SNAP91: variants seen among roughly 807,000 people sequenced by gnomAD.
SNAP91 encodes the protein synaptosome associated protein 91, also known as clathrin coat assembly protein AP180.
Under a neutral mutation model 100.3 loss-of-function variants are expected in SNAP91, and 27 were observed. The observed-to-expected ratio is 0.27, with a 90% CI of 0.20 to 0.37. SNAP91 has a LOEUF of 0.37. SNAP91 is among the 10% of genes least tolerant of loss of function. The pLI is 1.00. For synonymous variants in SNAP91, 404 were observed against 398.6 expected (o/e 1.01, Z -0.16); for missense variants, 986 against 1,123.7 (o/e 0.88, Z 1.75).
intron 26 of SNAP91, among the ~76,000 whole-genome samples, chr6:83,570,502 C>T (rs556230924): frequency 7.0e-6 from 1 of 143,716 alleles, no homozygotes; most frequent in East Asian, 2.1e-4. Flanking sequence ...CAGGACACGT[C>T]AGAGAACTTT....
chr6:83,591,740 C>G (rs1446335804), intron 21 of SNAP91, among the ~76,000 whole-genome samples: 1 of 152,140 alleles, frequency 6.6e-6, no homozygotes, highest in African/African-American at 2.4e-5. Context: ...TGACACAAGT[C>G]TTGAGCCCCT....
chr6:83,568,958 T>A lies in SNAP91; in HGVS notation c.2442+6052A>T, dbSNP rs1801766226. On this transcript the variant is annotated intron_variant, in intron 26 of 29. Transcript: ENST00000369694. ...TAAAGGAATAGAAGGTTGGAAGAGATCAACTGGGGAGGCAGGGTGTAAAGG... is the reference window on the plus strand; with the variant it reads ...TAAAGGAATAGAAGGTTGGAAGAGAACAACTGGGGAGGCAGGGTGTAAAGG... Among the ~76,000 whole-genome samples, 2 of 152,160 alleles carry A rather than the reference T, an allele frequency of 1.3e-5. 1 individual carries two copies. The highest frequency in any genetic ancestry group is 4.1e-4 in the South Asian group (2 of 4,834).
At chr6:83,611,972 C>T (rs11966806) in intron 11 of SNAP91, among the ~76,000 whole-genome samples, 4 of 148,788 alleles carry the variant, frequency 2.7e-5, no homozygotes, top group Non-Finnish European at 5.9e-5. Flanking sequence ...CCGCCTGCCT[C>T]GGCCTCCCAA....
intron 26 of SNAP91, among the ~76,000 whole-genome samples, chr6:83,570,553 TG>T (rs200955608): frequency 1.4e-5 from 1 of 71,640 alleles, no homozygotes; most frequent in African/African-American, 7.8e-5. Flanking sequence ...GTTTACGGGG[TG>T]GCGGGGGGGG....
intron 23 of SNAP91, among the ~76,000 whole-genome samples, 200 bp downstream of exon 23, chr6:83,582,022 C>T (rs1477751609): frequency 6.6e-6 from 1 of 152,124 alleles, no homozygotes; most frequent in African/African-American, 2.4e-5. Flanking sequence ...GAAAGGATTG[C>T]AGGTTATTCT....
chr6:83,673,013 A>T (rs1421439107), intron 2 of SNAP91, among the ~76,000 whole-genome samples: 2 of 152,200 alleles, frequency 1.3e-5, no homozygotes, highest in Non-Finnish European at 2.9e-5. Context: ...AGGAGAAATG[A>T]GAAACTACAG....
intron 2 of SNAP91, among the ~76,000 whole-genome samples, chr6:83,703,584 C>T (rs2099346526): frequency 6.6e-6 from 1 of 152,120 alleles, no homozygotes; most frequent in African/African-American, 2.4e-5. Flanking sequence ...CAGTATTTGT[C>T]TTGAATCAAA....
At chr6:83,629,136 TG>T (rs1273496784) in intron 8 of SNAP91, among the ~76,000 whole-genome samples, 5 of 152,050 alleles carry the variant, frequency 3.3e-5, no homozygotes, top group Non-Finnish European at 7.4e-5. Context: ...TCCCCCACTT[TG>T]TTTTTGTTGG....
chr6:83,617,827 G>T (rs1028268803), intron 9 of SNAP91, among the ~76,000 whole-genome samples: 7 of 151,688 alleles, frequency 4.6e-5, no homozygotes, highest in African/African-American at 1.2e-4. Flanking sequence ...AAGCATTAGA[G>T]ATTTCATTTC....
At chr6:83,678,896 T>C in intron 2 of SNAP91, 1 of 1,142,632 alleles carries the variant, frequency 8.8e-7, no homozygotes, top group Non-Finnish European at 1.1e-6. Flanking sequence ...GTACATCATT[T>C]TACTTTACTG....
intron 8 of SNAP91, among the ~76,000 whole-genome samples, chr6:83,631,653 T>C (rs1267905934): frequency 6.6e-6 from 1 of 152,188 alleles, no homozygotes; most frequent in East Asian, 1.9e-4. Flanking sequence ...AGAATAGCTC[T>C]TCCTGCTCAC....
intron 26 of SNAP91, among the ~76,000 whole-genome samples, chr6:83,561,623 G>A (rs1162456690): frequency 3.9e-5 from 6 of 152,196 alleles, no homozygotes; most frequent in Admixed American, 3.9e-4. Flanking sequence ...CCCTAAGCTT[G>A]TCTTTTCCTA....
chr6:83,655,116 T>C (rs2098361070), intron 7 of SNAP91, among the ~76,000 whole-genome samples: 1 of 152,168 alleles, frequency 6.6e-6, no homozygotes, highest in African/African-American at 2.4e-5. Context: ...TGTCAAAGTA[T>C]GGGAGAATCC....
At chr6:83,666,960 G>A (rs1055053204) in intron 2 of SNAP91, among the ~76,000 whole-genome samples, 38 of 152,026 alleles carry the variant, frequency 2.5e-4, no homozygotes, top group African/African-American at 9.2e-4. Context: ...CTCCTTAAAA[G>A]CAGTAATGTC....
At chr6:83,673,834 T>C (rs2098822800) in intron 2 of SNAP91, among the ~76,000 whole-genome samples, 1 of 152,192 alleles carries the variant, frequency 6.6e-6, no homozygotes, top group Non-Finnish European at 1.5e-5. Flanking sequence ...TAGCTAGATA[T>C]GTAAGCAGCA....
intron 8 of SNAP91, among the ~76,000 whole-genome samples, chr6:83,634,453 G>A (rs1045037810): frequency 6.6e-6 from 1 of 152,150 alleles, no homozygotes; most frequent in African/African-American, 2.4e-5. Context: ...TTCTGGGTCT[G>A]GTAGGAGCAA....
chr6:83,603,540 CTT>C (rs1283320092), intron 14 of SNAP91, among the ~76,000 whole-genome samples: 1 of 150,956 alleles, frequency 6.6e-6, no homozygotes, highest in African/African-American at 2.4e-5. Flanking sequence ...ATCCAACTGT[CTT>C]TGGTAAATCA....
chr6:83,640,980 A>C, intron 8 of SNAP91, 116 bp downstream of exon 8: 2 of 554,888 alleles, frequency 3.6e-6, no homozygotes, highest in Non-Finnish European at 6.0e-6. Context: ...TGTGACTCCG[A>C]GGCACTTCCA....
intron 2 of SNAP91, among the ~76,000 whole-genome samples, chr6:83,703,347 G>A (rs187777484): frequency 6.6e-6 from 1 of 152,120 alleles, no homozygotes; most frequent in East Asian, 1.9e-4. Context: ...CTTACTGAAA[G>A]CCCTACTAAA....
Sources: gnomAD v4.1 joint callset for allele counts (sites outside exome capture counted in the v4.1 genomes callset) on GRCh38, gnomAD v4.1.1 for gene constraint, MANE v1.5 for transcripts, NCBI Gene and HGNC (gene_info 2026-07-23, HGNC 2026-07-21) for gene names.